The following EFNB2 variants were observed in gnomAD, a reference collection of about 807,000 sequenced individuals.
EFNB2 encodes the protein ephrin B2.
EFNB2 carries 5 observed loss-of-function variants against 32.1 expected under a neutral mutation model. That is an observed-to-expected ratio of 0.16 (90% confidence interval 0.08 to 0.33). EFNB2 has a LOEUF of 0.33. Ranked by LOEUF, EFNB2 falls within the 10% of genes least tolerant of loss-of-function variation. The pLI, the probability that EFNB2 is intolerant of heterozygous loss-of-function variation, is 1.00. For synonymous variants in EFNB2, 168 were observed against 166.5 expected, an observed-to-expected ratio of 1.01 and a Z score of -0.07; for missense variants, 263 against 422.6, an observed-to-expected ratio of 0.62 and a Z score of 3.31.
chr13:106,532,687 T>A (rs1032918126), intron 1 of EFNB2, among the ~76,000 whole-genome samples: 1 of 152,090 alleles, frequency 6.6e-6, no homozygotes, highest in African/African-American at 2.4e-5. Flanking sequence ...TCAGGAGAAT[T>A]TTAAAAGAAA....
chr13:106,534,754 C>G, intron 1 of EFNB2, 89 bp downstream of exon 1: 1 of 1,447,306 alleles, frequency 6.9e-7, no homozygotes, highest in Non-Finnish European at 9.2e-7. Flanking sequence ...AAACAGGCTC[C>G]GAGGCCCCGC....
chr13:106,514,147 C>T (rs1428288459), intron 1 of EFNB2, among the ~76,000 whole-genome samples: 1 of 152,000 alleles, frequency 6.6e-6, no homozygotes, highest in Non-Finnish European at 1.5e-5. Flanking sequence ...GTACAACCCC[C>T]AAAAGAGAAG....
At chr13:106,495,646 A>G (rs889105085) in intron 3 of EFNB2, 102 bp downstream of exon 3, 1 of 1,158,374 alleles carries the variant, frequency 8.6e-7, no homozygotes, top group Non-Finnish European at 1.2e-6. Context: ...TGAAAACTAA[A>G]AAGAAGAGCG....
At chr13:106,521,471 G>A (rs986533892) in intron 1 of EFNB2, 27 of 152,278 alleles carry the variant, frequency 1.8e-4, no homozygotes, top group African/African-American at 6.3e-4. Context: ...CAGAGCTAGA[G>A]GGCCCCCAGT....
Position 106,492,247 on chromosome 13 carries a change from T to C in EFNB2, c.*793A>G. 1 of 152,948 alleles carries C rather than the reference T, an allele frequency of 6.5e-6. No homozygotes were observed. Among genetic ancestry groups the C allele is most frequent in the Non-Finnish European group, 1.5e-5 (1 of 68,246 alleles). 9.5% of individuals were successfully genotyped at this position (152,948 alleles called of 1,614,324 possible). On this transcript the variant is annotated 3_prime_UTR_variant, in exon 5 of 5. Transcript: ENST00000646441. The surrounding 1 kb of genome is among the most constrained non-coding windows in gnomAD (Gnocchi z 5.1). ...ACCTAATTGCTTTTTTCTTTTTTCC[T>C]TTCCAACTTTCTGTTTCAGAGGCAG...
In EFNB2 at chr13:106,529,930, G is replaced by A. The variant is rs1003519203; in HGVS notation, c.122+4913C>T. ...TATTAACTATGACCAGGGTTGATTT[G>A]CCTAAAAATAAAAGCAAATTGTGTC... On this transcript the variant is annotated intron_variant, in intron 1 of 4. Transcript: ENST00000646441. Among the ~76,000 whole-genome samples, 4 of 152,168 alleles carry A rather than the reference G, an allele frequency of 2.6e-5. No homozygotes were observed. The East Asian group carries it at 7.7e-4, about 29-fold the overall frequency.
At chr13:106,531,064 T>C (rs1217574412) in intron 1 of EFNB2, among the ~76,000 whole-genome samples, 17 of 152,228 alleles carry the variant, frequency 1.1e-4, no homozygotes, top group African/African-American at 4.8e-5. Context: ...TCTGGAAATG[T>C]TGGAGTCATC....
intron 1 of EFNB2, chr13:106,520,778 T>C (rs1331735736): frequency 6.6e-6 from 1 of 151,984 alleles, no homozygotes; most frequent in African/African-American, 2.4e-5. Flanking sequence ...TTTCCTTTTT[T>C]GTGGATAGCA....
chr13:106,514,246 A>G (rs1298946457), intron 1 of EFNB2, among the ~76,000 whole-genome samples: 1 of 152,184 alleles, frequency 6.6e-6, no homozygotes, highest in Non-Finnish European at 1.5e-5. Context: ...ACAGAACTCA[A>G]AACGAATTTT....
intron 2 of EFNB2, among the ~76,000 whole-genome samples, chr13:106,497,327 G>C (rs1878623894): frequency 1.3e-5 from 2 of 151,856 alleles, no homozygotes; most frequent in African/African-American, 4.8e-5. Context: ...CTGTAACTGT[G>C]GATAAATTTT....
chr13:106,498,060 A>C (rs1048090185), intron 2 of EFNB2, among the ~76,000 whole-genome samples: 2 of 152,122 alleles, frequency 1.3e-5, no homozygotes, highest in African/African-American at 4.8e-5. Context: ...CTACACGCAA[A>C]AGTGCACTCA....
chr13:106,512,828 A>T lies in EFNB2; in HGVS notation c.123-16T>A. ...AGGTAGAAATCTAAAAGCATAAGAA[A>T]AAAAAGCCATTGAGTTGATAAAAAT... On this transcript the variant is annotated splice_polypyrimidine_tract_variant and intron_variant, in intron 1 of 4. Coordinates refer to ENST00000646441, the MANE Select transcript of EFNB2 (RefSeq NM_004093.4). 3 of 1,547,856 alleles carry T rather than the reference A, an allele frequency of 1.9e-6. No homozygotes were observed. The highest frequency in any genetic ancestry group is 2.6e-6 in the Non-Finnish European group (3 of 1,147,960).
rs996917783 is a variant in EFNB2, at chr13:106,492,285, G to A, written c.*755C>T. ...GTTTCAGAGGCAGCAGCAGTGAGCTGCAATTGCAGCCAGCCCTTTCCCCAG... is the reference window on the plus strand; with the variant it reads ...GTTTCAGAGGCAGCAGCAGTGAGCTACAATTGCAGCCAGCCCTTTCCCCAG... On this transcript the variant is annotated 3_prime_UTR_variant, in exon 5 of 5. Transcript: ENST00000646441. This position sits in a 1 kb window ranked among gnomAD's most constrained non-coding sequence, Gnocchi z 5.1. The A allele has an allele frequency of 6.5e-6, 1 of 152,688 alleles. No individual in the cohort carries two copies. The highest frequency in any genetic ancestry group is 2.1e-4 in the South Asian group (1 of 4,834). 9.5% of individuals were successfully genotyped at this position (152,688 alleles called of 1,614,324 possible).
intron 2 of EFNB2, among the ~76,000 whole-genome samples, chr13:106,497,022 T>C (rs956746948): frequency 1.3e-5 from 2 of 152,242 alleles, no homozygotes; most frequent in African/African-American, 4.8e-5. Flanking sequence ...GAAAAAAGGA[T>C]TGATTTTCTG....
intron 1 of EFNB2, among the ~76,000 whole-genome samples, chr13:106,527,623 T>C (rs1213380405): frequency 1.3e-5 from 2 of 152,228 alleles, no homozygotes; most frequent in East Asian, 1.9e-4. Flanking sequence ...AAGGAAAATA[T>C]GTTAATAATC....
At chr13:106,527,440 T>C (rs1328722493) in intron 1 of EFNB2, among the ~76,000 whole-genome samples, 1 of 152,156 alleles carries the variant, frequency 6.6e-6, no homozygotes, top group Non-Finnish European at 1.5e-5. Flanking sequence ...CTATTAATAC[T>C]CCACTACTGT....
intron 2 of EFNB2, among the ~76,000 whole-genome samples, chr13:106,508,993 C>T (rs1452341512): frequency 1.3e-5 from 2 of 152,188 alleles, no homozygotes; most frequent in Non-Finnish European, 2.9e-5. Context: ...AGGATCATGT[C>T]CATTTGAAAC....
chr13:106,494,821 A>C (rs1594159902), intron 4 of EFNB2, 60 bp downstream of exon 4: 1 of 1,318,420 alleles, frequency 7.6e-7, no homozygotes, highest in East Asian at 2.3e-5. Flanking sequence ...CTACCTTTTA[A>C]GATACTACTA....
intron 1 of EFNB2, among the ~76,000 whole-genome samples, chr13:106,528,008 T>C (rs1879756137): frequency 6.6e-6 from 1 of 152,230 alleles, no homozygotes; most frequent in Non-Finnish European, 1.5e-5. Context: ...TATCATGTTC[T>C]GTTCCCTGTT....
Sources: allele counts gnomAD v4.1 joint callset (sites outside exome capture counted in the v4.1 genomes callset), GRCh38; gene constraint gnomAD v4.1.1; non-coding constraint Gnocchi (gnomAD v3.1); transcripts MANE v1.5; gene names NCBI Gene and HGNC (gene_info 2026-07-23, HGNC 2026-07-21).